APOL2: variants seen among roughly 807,000 people sequenced by gnomAD.
APOL2 encodes apolipoprotein L2.
A neutral mutation model predicts 7.1 loss-of-function variants in APOL2; 8 were observed. That is an observed-to-expected ratio of 1.12 (90% confidence interval 0.66 to 2.03). The LOEUF (loss-of-function observed/expected upper bound fraction) is 2.03, where lower values mean the gene tolerates loss of function less well. Ranked by LOEUF, APOL2 falls within the 30% of genes most tolerant of loss-of-function variation. The pLI, the probability that APOL2 is intolerant of heterozygous loss-of-function variation, is 0.00. For missense variants in APOL2, 471 were observed against 415.1 expected, an observed-to-expected ratio of 1.13 and a Z score of -1.17; for synonymous variants, 177 against 159.9, an observed-to-expected ratio of 1.11 and a Z score of -0.81.
chr22:36,227,313 C>T lies in APOL2; in HGVS notation c.*91G>A, dbSNP rs1171585996. 2.4e-5 allele frequency: 27 copies of T among 1,147,476 alleles called. No homozygotes were observed. Among genetic ancestry groups the T allele is most frequent in the Non-Finnish European group, 3.1e-5 (27 of 864,324 alleles). The allele number at this position is 1,147,476 out of a possible 1,614,324, so 71.1% of individuals were successfully genotyped here. ...CCTGGGCGATAGAGCGAGACTCCAT[C>T]TCAAAAAAAAAAAAAAAAAAAAAAA... On this transcript the variant is annotated 3_prime_UTR_variant, in exon 5 of 5. Coordinates refer to ENST00000358502, the MANE Select transcript of APOL2 (RefSeq NM_030882.4).
chr22:36,227,746 G>A lies in APOL2; in HGVS notation c.672C>T (p.Ile224=), dbSNP rs773917973. The A allele has an allele frequency of 1.9e-6, 3 of 1,614,248 alleles. No individual in the cohort carries two copies. The South Asian group carries it at 3.3e-5, about 18-fold the overall frequency. The change falls in exon 5 of 5, where the codon ATC becomes ATT. Residue 224 remains isoleucine (I), a synonymous_variant. Transcript: ENST00000358502. The part of the protein sequence containing the change: ...YQVTQGIGRN[I]RAIRRARANP... Reference sequence around the variant, plus strand: ...TGGCTCTGGCTCGTCTGATGGCACGGATGTTCCTCCCAATCCCTTGTGTGA... The same window carrying A: ...TGGCTCTGGCTCGTCTGATGGCACGAATGTTCCTCCCAATCCCTTGTGTGA...
Position 36,228,217 on chromosome 22 carries a change from G to A in APOL2, c.201C>T (p.Asp67=), listed in dbSNP as rs551042101. 1.9e-6 allele frequency: 3 copies of A among 1,612,298 alleles called. No individual in the cohort carries two copies. Among genetic ancestry groups the A allele is most frequent in the South Asian group, 1.1e-5 (1 of 91,082 alleles). Residue 67 remains aspartate, a synonymous_variant, in exon 5 of 5, where the codon GAC becomes GAT. Transcript: ENST00000358502. ...GCTGGTCTTTATCGTGGCGGTTTTT[G>A]TCCTTCATGACCATGTGACTTGCAA... ...NKLASHMVMK[D]KNRHDKDQQH...
intron 1 of APOL2, chr22:36,236,676 G>C: frequency 1.0e-6 from 1 of 985,368 alleles, no homozygotes; most frequent in Non-Finnish European, 1.2e-6. Context: ...ACAGCTCAGT[G>C]GTTCCCGGGC....
At position 36,227,809 on chromosome 22, in the gene APOL2, T is replaced by G; in HGVS notation, c.609A>C (p.Thr203=). ...TGTCAACTAAGGTAAGAACATTGGG[T>G]GTGTTCCCACCCACAAACTCCTTCA... is the stretch of plus-strand genomic sequence containing the variant. ...KVMKEFVGGN[T]PNVLTLVDNW... The change falls in exon 5 of 5, where the codon ACA becomes ACC. Residue 203 remains threonine, a synonymous_variant. Coordinates refer to ENST00000358502, the MANE Select transcript of APOL2 (RefSeq NM_030882.4). 2 of 1,614,168 alleles carry G rather than the reference T, an allele frequency of 1.2e-6. No homozygotes were observed. Among genetic ancestry groups the G allele is most frequent in the Non-Finnish European group, 1.7e-6 (2 of 1,180,034 alleles).
chr22:36,233,435 C>T lies in APOL2; in HGVS notation c.-113G>A. The T allele has an allele frequency of 1.3e-6, 2 of 1,550,956 alleles. No homozygotes were observed. The highest frequency in any genetic ancestry group is 4.9e-5 in the East Asian group (2 of 41,084). ...AGCTTCCTCTTCCCTCACTCTCACA[C>T]CAAGGCAGGGTCCTCTTGTCCTGTA... On this transcript the variant is annotated 5_prime_UTR_variant, in exon 2 of 5. The change creates a new upstream start codon in the 5' untranslated region. Transcript: ENST00000358502.
chr22:36,228,987 C>T (rs1466259235), intron 4 of APOL2, among the ~76,000 whole-genome samples: 1 of 152,162 alleles, frequency 6.6e-6, no homozygotes, highest in Non-Finnish European at 1.5e-5. Context: ...GGACTTTCTC[C>T]TTGACCAACT....
chr22:36,227,382 T>C lies in APOL2; in HGVS notation c.*22A>G. The C allele has an allele frequency of 6.4e-7, 1 of 1,560,402 alleles. No homozygotes were observed. Among genetic ancestry groups the C allele is most frequent in the Non-Finnish European group, 8.7e-7 (1 of 1,154,250 alleles). On this transcript the variant is annotated 3_prime_UTR_variant, in exon 5 of 5. Transcript: ENST00000358502. ...TGGCCTGTGCCCGGCATTTCTGCCC[T>C]GGTGGCTGCACTGCTCTGGGGTCAT...
chr22:36,237,155 G>T, intron 1 of APOL2: 2 of 1,519,794 alleles, frequency 1.3e-6, no homozygotes, highest in South Asian at 1.3e-5. Flanking sequence ...TCTGCTGGGG[G>T]TTGAGGCTGG....
chr22:36,239,131 C>T, intron 1 of APOL2: 4 of 1,207,846 alleles, frequency 3.3e-6, no homozygotes, highest in Non-Finnish European at 4.1e-6. Flanking sequence ...ACCCCCAACA[C>T]CTACCTTTCT....
chr22:36,228,024 G>C lies in APOL2; in HGVS notation c.394C>G (p.Leu132Val). 1 of 1,614,262 alleles carries C rather than the reference G, an allele frequency of 6.2e-7. No homozygotes were observed. The highest frequency in any genetic ancestry group is 8.5e-7 in the Non-Finnish European group (1 of 1,180,048). The change falls in exon 5 of 5, where the codon CTC becomes GTC. Residue 132 changes from leucine (L) to valine (V), a missense_variant. Physicochemically the swap from Leu to Val is conservative, Grantham distance 32 (BLOSUM62 1). Coordinates refer to ENST00000358502, the MANE Select transcript of APOL2 (RefSeq NM_030882.4). ...SVGTTSGILT[L>V]LGLGLAPFTE... is the part of the protein sequence containing the mutation. ...AAGGGTGCCAGACCCAGGCCGAGGA[G>C]GGTCAGGATGCCAGAGGTAGTGCCA...
intron 4 of APOL2, among the ~76,000 whole-genome samples, chr22:36,230,960 G>A (rs1448033673): frequency 6.6e-6 from 1 of 152,210 alleles, no homozygotes; most frequent in African/African-American, 2.4e-5. Flanking sequence ...AAGCTTGTAA[G>A]ATGTTAACGT....
chr22:36,238,399 T>G (rs1442597208), intron 1 of APOL2, among the ~76,000 whole-genome samples: 1 of 152,202 alleles, frequency 6.6e-6, no homozygotes, highest in Non-Finnish European at 1.5e-5. Context: ...CCTGATTTCA[T>G]GGACTTTTGG....
At chr22:36,235,487 A>C (rs1436444727) in intron 1 of APOL2, among the ~76,000 whole-genome samples, 3 of 152,104 alleles carry the variant, frequency 2.0e-5, no homozygotes, top group African/African-American at 4.8e-5. Context: ...TCATAAACTT[A>C]AAACAAGATA....
upstream of APOL2, chr22:36,239,571 GA>G (rs2015533642): frequency 4.7e-6 from 7 of 1,495,018 alleles, no homozygotes; most frequent in Non-Finnish European, 6.4e-6. Flanking sequence ...CCTGGAATTC[GA>G]AAGGGAAAGT....
chr22:36,228,735 C>T (rs953511784), intron 4 of APOL2, among the ~76,000 whole-genome samples: 4 of 152,180 alleles, frequency 2.6e-5, no homozygotes, highest in Non-Finnish European at 4.4e-5. Context: ...GATCTCCAGG[C>T]CCCTGGAATG....
intron 4 of APOL2, among the ~76,000 whole-genome samples, chr22:36,230,801 G>A (rs1174347063): frequency 6.6e-6 from 1 of 152,116 alleles, no homozygotes; most frequent in Non-Finnish European, 1.5e-5. Context: ...CTGTGTTTGT[G>A]GAATTCTTCA....
chr22:36,231,397 T>A lies in APOL2; in HGVS notation c.80A>T (p.Gln27Leu), dbSNP rs1374875988. ...QDQVSRENLL[Q>L]LLTDDEAWNG... The stretch of plus-strand genomic sequence containing the variant: ...CCAGGCTTCATCATCAGTCAGCAGT[T>A]GTAGCAGATTCTCTCTGCTCACTTG... The change falls in exon 4 of 5, where the codon CAA (glutamine) becomes CTA (leucine). Residue 27 changes from glutamine (Q) to leucine (L), a missense_variant. Coordinates refer to ENST00000358502, the MANE Select transcript of APOL2 (RefSeq NM_030882.4). 1.2e-6 allele frequency: 2 copies of A among 1,614,086 alleles called. No homozygotes were observed. Among genetic ancestry groups the A allele is most frequent in the African/African-American group, 2.7e-5 (2 of 74,936 alleles).
rs756444914 is a variant in APOL2 at position 36,231,418 on chromosome 22, A to C, written c.59T>G (p.Val20Gly). The change falls in exon 4 of 5, where the codon GTG (valine) becomes GGG (glycine). Residue 20 changes from valine to glycine, a missense_variant. Physicochemically the swap from Val to Gly is moderately radical, Grantham distance 109 (BLOSUM62 -3). Transcript: ENST00000358502. ...CAGTTGTAGCAGATTCTCTCTGCTC[A>C]CTTGGTCCTGGAAATACTTAAGGTA... ...EDYLKYFQDQ[V>G]SRENLLQLLT... 6 of 1,613,984 alleles carry C rather than the reference A, an allele frequency of 3.7e-6. No individual in the cohort carries two copies. Among genetic ancestry groups the C allele is most frequent in the Non-Finnish European group, 8.5e-7 (1 of 1,179,904 alleles).
chr22:36,231,183 T>A (rs905549068), intron 4 of APOL2, among the ~76,000 whole-genome samples, 157 bp downstream of exon 4: 1 of 152,214 alleles, frequency 6.6e-6, no homozygotes, highest in Non-Finnish European at 1.5e-5. Flanking sequence ...GCGAAGGACA[T>A]GGAGGAAATA....
Sources: gnomAD v4.1 joint callset for allele counts (sites outside exome capture counted in the v4.1 genomes callset) on GRCh38, gnomAD v4.1.1 for gene constraint, MANE v1.5 for transcripts, NCBI Gene and HGNC (gene_info 2026-07-23, HGNC 2026-07-21) for gene names.